The following ULK2 variants were observed in gnomAD, a reference collection of about 807,000 sequenced individuals.
ULK2 encodes unc-51 like autophagy activating kinase 2, also known as serine/threonine-protein kinase ULK2.
ULK2 carries 76 observed loss-of-function variants against 127.5 expected under a neutral mutation model. The observed-to-expected ratio is 0.60, with a 90% confidence interval of 0.50 to 0.72. The LOEUF (loss-of-function observed/expected upper bound fraction) is 0.72, where lower values mean the gene tolerates loss of function less well. Ranked by LOEUF, ULK2 falls within the 30% of genes least tolerant of loss-of-function variation. ULK2 has a pLI of 0.00. For missense variants in ULK2, 1,144 were observed against 1,295.9 expected (o/e 0.88, Z 1.80); for synonymous variants, 452 against 461.9 (o/e 0.98, Z 0.28).
Position 19,780,523 on chromosome 17 carries a change from TTCA to T in ULK2, c.2862_2864del (p.Asp954del), listed in dbSNP as rs1254524967. 1 of 1,613,828 alleles carries T rather than the reference TTCA, an allele frequency of 6.2e-7. No homozygotes were observed. The highest frequency in any genetic ancestry group is 8.5e-7 in the Non-Finnish European group (1 of 1,179,898). The stretch of plus-strand genomic sequence containing the variant: ...GTTTCTCTGCAGTCACACTGTTGAT[TTCA>T]TCAATAAACCTCTGTTTGTCAGAGA... On this transcript the variant is annotated inframe_deletion, in exon 25 of 27. Coordinates refer to ENST00000395544, the MANE Select transcript of ULK2 (RefSeq NM_014683.4).
At chr17:19,846,410 C>T (rs1007687608) in intron 6 of ULK2, among the ~76,000 whole-genome samples, 7 of 151,752 alleles carry the variant, frequency 4.6e-5, no homozygotes, top group Admixed American at 1.3e-4. Context: ...GAAGCTGAGG[C>T]GGGCAGATCA....
chr17:19,781,248 T>C (rs961606202), intron 23 of ULK2, 144 bp from the exon 24 acceptor site: 12 of 644,542 alleles, frequency 1.9e-5, no homozygotes, highest in African/African-American at 1.9e-5. Context: ...TTTTCTTTTT[T>C]TTTTTTTTTT....
chr17:19,789,629 G>T (rs1386229336), intron 20 of ULK2, among the ~76,000 whole-genome samples: 1 of 152,008 alleles, frequency 6.6e-6, no homozygotes, highest in Non-Finnish European at 1.5e-5. Flanking sequence ...GCTGTTTTGA[G>T]GAAACTCAAG....
At position 19,804,860 on chromosome 17, in the gene ULK2, G is replaced by T. The variant is rs992780358; in HGVS notation, c.1158-30C>A. The T allele has an allele frequency of 2.2e-5, 36 of 1,605,220 alleles. No individual in the cohort carries two copies. In the Admixed American group the frequency reaches 2.7e-4, roughly 12 times the overall value. On this transcript the variant is annotated intron_variant, in intron 14 of 26. Transcript: ENST00000395544. Reference sequence around the variant, plus strand: ...AATCGTAATTTATTGAAAAAGGAAAGAAACAGTGGTAGGATTGTTTTTCTT... The same window carrying T: ...AATCGTAATTTATTGAAAAAGGAAATAAACAGTGGTAGGATTGTTTTTCTT...
At chr17:19,848,184 CATATTTCA>C (rs532880213) in intron 5 of ULK2, 2 of 152,178 alleles carry the variant, frequency 1.3e-5, no homozygotes, top group East Asian at 3.9e-4. Flanking sequence ...AGGCTTTGCA[CATATTTCA>C]ATGTAGCAGG....
chr17:19,849,537 C>G, intron 4 of ULK2, 132 bp from the exon 5 acceptor site: 2 of 1,026,042 alleles, frequency 1.9e-6, no homozygotes, highest in Non-Finnish European at 2.8e-6. Flanking sequence ...ATTATAGATT[C>G]AAAATTTTTT....
In ULK2 at chr17:19,774,698, G is replaced by A. The variant is rs2086785396; in HGVS notation, c.*1651C>T. On this transcript the variant is annotated 3_prime_UTR_variant, in exon 27 of 27. Transcript: ENST00000395544. ...CCAAGTCTCTAAACTCACTAAGGAA[G>A]TACCTGGCTCAACAAGCCACTTAAT... 6.6e-6 allele frequency: 1 copy of A among 152,302 alleles called. No individual in the cohort carries two copies. The highest frequency in any genetic ancestry group is 2.1e-4 in the South Asian group (1 of 4,834). The allele number at this position is 152,302 out of a possible 1,614,324, so 9.4% of individuals were successfully genotyped here.
At chr17:19,857,325 A>T (rs2042155778) in intron 3 of ULK2, among the ~76,000 whole-genome samples, 1 of 151,802 alleles carries the variant, frequency 6.6e-6, no homozygotes, top group Non-Finnish European at 1.5e-5. Context: ...AAAAAAAAAA[A>T]ATGTTTTACA....
chr17:19,797,381 G>T lies in ULK2; in HGVS notation c.1809+15C>A. 6.2e-7 allele frequency: 1 copy of T among 1,605,688 alleles called. No individual in the cohort carries two copies. Among genetic ancestry groups the T allele is most frequent in the Non-Finnish European group, 8.5e-7 (1 of 1,176,360 alleles). ...ATACCAGTTCCTGACCTACAAAAGG[G>T]TTTAATAAACAAACCTTAGTAGGAG... On this transcript the variant is annotated intron_variant, in intron 18 of 26. Transcript: ENST00000395544.
rs1456752298 is a variant in ULK2 at position 19,801,887 on chromosome 17, A to G, written c.1331T>C (p.Met444Thr). The G allele has an allele frequency of 1.9e-6, 3 of 1,613,840 alleles. No individual in the cohort carries two copies. The highest frequency in any genetic ancestry group is 2.5e-6 in the Non-Finnish European group (3 of 1,179,976). Residue 444 changes from methionine to threonine, a missense_variant, in exon 16 of 27, where the codon ATG becomes ACG. This residue lies in a region of ULK2 where 913 missense variants were observed against 970.5 expected (regional missense o/e 0.94). Coordinates refer to ENST00000395544, the MANE Select transcript of ULK2 (RefSeq NM_014683.4). ...GCATGATCCCGGCCGGAGGAAGCCCATGGGGCTGGTGTTGGACCTTCGTAC... is the reference window on the plus strand; with the variant it reads ...GCATGATCCCGGCCGGAGGAAGCCCGTGGGGCTGGTGTTGGACCTTCGTAC... ...AVVRRSNTSPMGFLRPGSCSP... is the reference protein window; with the variant it reads ...AVVRRSNTSPTGFLRPGSCSP...
intron 3 of ULK2, among the ~76,000 whole-genome samples, chr17:19,854,355 A>C (rs756448394): frequency 1.8e-4 from 28 of 152,100 alleles, no homozygotes; most frequent in Non-Finnish European, 4.4e-5. Context: ...TTTGTGGAAA[A>C]ACTCTCCTTC....
At chr17:19,858,376 G>A (rs1011070199) in intron 3 of ULK2, among the ~76,000 whole-genome samples, 4 of 151,898 alleles carry the variant, frequency 2.6e-5, no homozygotes, top group African/African-American at 9.7e-5. Flanking sequence ...CTCCAGCCTG[G>A]GCAAGAGAGC....
chr17:19,820,998 C>T (rs563018904), intron 12 of ULK2, among the ~76,000 whole-genome samples: 4 of 152,232 alleles, frequency 2.6e-5, no homozygotes, highest in Admixed American at 1.3e-4. Context: ...AGTAGGTATT[C>T]GATAAATGTT....
At position 19,797,428 on chromosome 17, in the gene ULK2, G is replaced by A. The variant is rs774526845; in HGVS notation, c.1777C>T (p.Pro593Ser). 1.9e-6 allele frequency: 3 copies of A among 1,613,622 alleles called. No homozygotes were observed. The highest frequency in any genetic ancestry group is 2.2e-5 in the South Asian group (2 of 90,984). ...PRSSDWFFKT[P>S]LPTIIGSPTK... ...GGAGAGCCAATGATTGTTGGCAAAG[G>A]AGTTTTAAAGAACCAGTCAGAACTC... Residue 593 changes from proline (P) to serine (S), a missense_variant, in exon 18 of 27, where the codon CCT (proline) becomes TCT (serine). Around this residue, in one of 2 missense-constraint regions of ULK2, gnomAD observed 913 missense variants for 970.5 expected, o/e 0.94. Transcript: ENST00000395544.
rs769124759 is a variant in ULK2, at chr17:19,775,792, T to C, written c.*557A>G. On this transcript the variant is annotated 3_prime_UTR_variant, in exon 27 of 27. Coordinates refer to ENST00000395544, the MANE Select transcript of ULK2 (RefSeq NM_014683.4). ...ATTTTGGAAGATTAACATGTATCCA[T>C]ATTAGGATCAAATTGAAGATTTCAA... 1.3e-5 allele frequency: 2 copies of C among 152,750 alleles called. No homozygotes were observed. Among genetic ancestry groups the C allele is most frequent in the Non-Finnish European group, 2.9e-5 (2 of 68,104 alleles). The allele number at this position is 152,750 out of a possible 1,614,324, so 9.5% of individuals were successfully genotyped here.
chr17:19,792,621 T>C (rs1458325283), intron 20 of ULK2, among the ~76,000 whole-genome samples: 5 of 152,154 alleles, frequency 3.3e-5, no homozygotes, highest in Non-Finnish European at 5.9e-5. Flanking sequence ...GATCTAATAA[T>C]GCAATCTCCA....
Position 19,833,176 on chromosome 17 carries a change from G to A in ULK2, c.787+5325C>T, listed in dbSNP as rs1368480228. Among the ~76,000 whole-genome samples the A allele has an allele frequency of 7.9e-5, 12 of 151,630 alleles. No individual in the cohort carries two copies. The East Asian group carries it at 2.3e-3, about 29-fold the overall frequency. ...CAGAACAACCCCCAATTGGGAGAGGGGGAGGGTTCAAATCTAAAGTTGCTA... is the reference window on the plus strand; with the variant it reads ...CAGAACAACCCCCAATTGGGAGAGGAGGAGGGTTCAAATCTAAAGTTGCTA... On this transcript the variant is annotated intron_variant, in intron 10 of 26. Transcript: ENST00000395544.
At chr17:19,861,373 C>T (rs1316820598) in intron 3 of ULK2, among the ~76,000 whole-genome samples, 2 of 152,004 alleles carry the variant, frequency 1.3e-5, no homozygotes, top group Non-Finnish European at 2.9e-5. Flanking sequence ...GGTAAAACCC[C>T]GTCTCTATTA....
chr17:19,863,756 T>G (rs1306896300), intron 3 of ULK2, among the ~76,000 whole-genome samples: 1 of 152,106 alleles, frequency 6.6e-6, no homozygotes, highest in Non-Finnish European at 1.5e-5. Flanking sequence ...AACAGCAATT[T>G]TCTCCAATGC....
Sources: allele counts gnomAD v4.1 joint callset (sites outside exome capture counted in the v4.1 genomes callset), GRCh38; gene constraint gnomAD v4.1.1; regional missense constraint gnomAD v4.1.1; transcripts MANE v1.5; gene names NCBI Gene and HGNC (gene_info 2026-07-23, HGNC 2026-07-21).